The following WDPCP variants were observed in gnomAD, a reference collection of about 807,000 sequenced individuals.
WDPCP encodes the protein WD repeat containing planar cell polarity effector.
A neutral mutation model predicts 93.1 loss-of-function variants in WDPCP; 71 were observed. That is an observed-to-expected ratio of 0.76 (90% CI 0.63 to 0.93). WDPCP has a LOEUF of 0.93. Among genes scored for constraint, WDPCP ranks in the 40% least tolerant of loss-of-function variants. The pLI is 0.00. For missense variants in WDPCP, 844 were observed against 887.4 expected, an observed-to-expected ratio of 0.95 and a Z score of 0.62; for synonymous variants, 315 against 315.0, an observed-to-expected ratio of 1.00 and a Z score of 0.00.
rs199668515 is a variant in WDPCP at position 63,594,551 on chromosome 2, A to G, written n.488+56108T>C. The G allele has an allele frequency of 3.1e-6, 5 of 1,613,724 alleles. No homozygotes were observed. The highest frequency in any genetic ancestry group is 1.7e-5 in the Admixed American group (1 of 60,010). ...TCAAATTGCATATTCACTGCTGTAC[A>G]GTATTGGAAATGGATCTGTCTTTGG... On this transcript the variant is annotated intron_variant and non_coding_transcript_variant, in intron 3 of 4. Coordinates refer to the WDPCP transcript ENST00000467687.
At chr2:63,623,923 CAT>C (rs1709778366) in intron 3 of WDPCP, among the ~76,000 whole-genome samples, 1 of 152,182 alleles carries the variant, frequency 6.6e-6, no homozygotes, top group African/African-American at 2.4e-5. Flanking sequence ...AAACTGACCA[CAT>C]ATGTGGAAGT....
chr2:63,612,102 A>G (rs1414198824), intron 3 of WDPCP, among the ~76,000 whole-genome samples: 4 of 152,216 alleles, frequency 2.6e-5, no homozygotes, highest in Non-Finnish European at 5.9e-5. Flanking sequence ...GACTTGCTCT[A>G]GAGTTACTGA....
chr2:63,595,016 T>C, intron 3 of WDPCP: 1 of 276,358 alleles, frequency 3.6e-6, no homozygotes, highest in Non-Finnish European at 6.9e-6. Context: ...TAAAATCCTT[T>C]TCTAAGGTAT....
chr2:63,616,111 A>C (rs920021092), intron 3 of WDPCP, among the ~76,000 whole-genome samples: 1 of 152,246 alleles, frequency 6.6e-6, no homozygotes, highest in African/African-American at 2.4e-5. Flanking sequence ...TAAATAACAC[A>C]CATATAGTAC....
chr2:63,342,291 T>C (rs547079317), intron 12 of WDPCP, among the ~76,000 whole-genome samples: 28 of 152,098 alleles, frequency 1.8e-4, no homozygotes, highest in Admixed American at 7.9e-4. Flanking sequence ...ACCAGGTCCA[T>C]GGCCTGGGGA....
intron 12 of WDPCP, among the ~76,000 whole-genome samples, chr2:63,344,599 C>A (rs940514425): frequency 1.3e-5 from 2 of 152,120 alleles, no homozygotes; most frequent in Non-Finnish European, 2.9e-5. Flanking sequence ...TTTTCTTTCC[C>A]AGGTTTCTTT....
chr2:63,450,288 C>T (rs2105629283), intron 6 of WDPCP, among the ~76,000 whole-genome samples: 1 of 152,274 alleles, frequency 6.6e-6, no homozygotes, highest in East Asian at 1.9e-4. Context: ...ATGTGAGAGA[C>T]AGGGTTCCTC....
At chr2:63,776,379 G>A (rs1471303195) in intron 2 of WDPCP, among the ~76,000 whole-genome samples, 1 of 152,006 alleles carries the variant, frequency 6.6e-6, no homozygotes, top group Non-Finnish European at 1.5e-5. Flanking sequence ...GATAGGCTGG[G>A]TGCAGTGGCT....
intron 2 of WDPCP, among the ~76,000 whole-genome samples, chr2:63,721,150 G>T (rs1279779165): frequency 6.6e-6 from 1 of 152,230 alleles, no homozygotes; most frequent in African/African-American, 2.4e-5. Flanking sequence ...AGATACATGA[G>T]TCAAGGAAAA....
chr2:63,379,336 C>G (rs971396954), intron 11 of WDPCP, among the ~76,000 whole-genome samples: 6 of 152,032 alleles, frequency 3.9e-5, no homozygotes, highest in Non-Finnish European at 7.4e-5. Flanking sequence ...TAAACAATTC[C>G]TTATTTAGCA....
chr2:63,521,406 A>G (rs889035774), intron 1 of WDPCP, among the ~76,000 whole-genome samples: 2 of 152,156 alleles, frequency 1.3e-5, no homozygotes, highest in African/African-American at 4.8e-5. Context: ...GGGGGTTGCT[A>G]TCTAATTTCA....
intron 3 of WDPCP, among the ~76,000 whole-genome samples, chr2:63,604,043 TTATAGC>T (rs1709481400): frequency 6.6e-6 from 1 of 152,196 alleles, no homozygotes; most frequent in Non-Finnish European, 1.5e-5. Context: ...CTTTCTGGAG[TTATAGC>T]TAGAGATTGT....
intron 3 of WDPCP, among the ~76,000 whole-genome samples, chr2:63,620,358 G>A (rs1558868193): frequency 1.3e-5 from 2 of 152,216 alleles, no homozygotes; most frequent in Non-Finnish European, 2.9e-5. Context: ...CACTATTACT[G>A]AGACTTGAGT....
intron 6 of WDPCP, among the ~76,000 whole-genome samples, chr2:63,479,024 C>CA (rs796235188): frequency 0.013 from 1,861 of 141,210 alleles, 28 homozygotes; most frequent in South Asian, 0.089. Context: ...CACAGAAATA[C>CA]AAAAAAAAAA....
intron 12 of WDPCP, among the ~76,000 whole-genome samples, chr2:63,376,089 T>A (rs895671063): frequency 6.6e-6 from 1 of 151,968 alleles, no homozygotes; most frequent in Admixed American, 6.6e-5. Context: ...CCCCTGAGCA[T>A]GAGAACTTCT....
chr2:63,653,077 T>C (rs997159989), intron 2 of WDPCP, among the ~76,000 whole-genome samples: 1 of 152,234 alleles, frequency 6.6e-6, no homozygotes, highest in Non-Finnish European at 1.5e-5. Flanking sequence ...AGCAATTTCC[T>C]GGCAGTAGCT....
At chr2:63,538,241 CAAT>C (rs1290394262) in intron 1 of WDPCP, among the ~76,000 whole-genome samples, 1 of 151,796 alleles carries the variant, frequency 6.6e-6, no homozygotes, top group East Asian at 1.9e-4. Context: ...TTACTGTCAG[CAAT>C]ATTATTAAAA....
At chr2:63,746,644 A>G (rs986338908) in intron 2 of WDPCP, among the ~76,000 whole-genome samples, 1 of 152,152 alleles carries the variant, frequency 6.6e-6, no homozygotes, top group Non-Finnish European at 1.5e-5. Flanking sequence ...CCTTATGCAG[A>G]TGTAGATAGG....
chr2:63,280,160 C>T (rs1683416994), intron 13 of WDPCP, among the ~76,000 whole-genome samples: 1 of 152,148 alleles, frequency 6.6e-6, no homozygotes, highest in Non-Finnish European at 1.5e-5. Context: ...TGTATTAGTT[C>T]ATTTGCATGC....
Sources: gnomAD v4.1 joint callset for allele counts (sites outside exome capture counted in the v4.1 genomes callset) on GRCh38, gnomAD v4.1.1 for gene constraint, MANE v1.5 for transcripts, NCBI Gene and HGNC (gene_info 2026-07-23, HGNC 2026-07-21) for gene names.